CYB5D2: variants seen among roughly 807,000 people sequenced by gnomAD.
CYB5D2 encodes cytochrome b5 domain containing 2.
CYB5D2 carries 23 observed loss-of-function variants against 22.8 expected under a neutral mutation model. That is an observed-to-expected ratio of 1.01 (90% confidence interval 0.73 to 1.43). The LOEUF (loss-of-function observed/expected upper bound fraction) is 1.43, where lower values mean the gene tolerates loss of function less well. Among genes scored for constraint, CYB5D2 ranks in the 40% most tolerant of loss-of-function variants. CYB5D2 has a pLI of 0.00. For synonymous variants in CYB5D2, 170 were observed against 152.2 expected (o/e 1.12, Z -0.86); for missense variants, 373 against 357.2 (o/e 1.04, Z -0.36).
At chr17:4,144,326 C>T (rs547154433) in intron 1 of CYB5D2, among the ~76,000 whole-genome samples, 144 of 151,980 alleles carry the variant, frequency 9.5e-4, no homozygotes, top group African/African-American at 3.2e-3. Context: ...TGTGGGGGCT[C>T]TTAGGGCACA....
intron 1 of CYB5D2, among the ~76,000 whole-genome samples, 191 bp downstream of exon 1, chr17:4,144,196 G>A (rs896240023): frequency 1.3e-5 from 2 of 152,114 alleles, no homozygotes; most frequent in African/African-American, 4.8e-5. Flanking sequence ...GGGACTGTGG[G>A]CCAGCTCTGT....
Position 4,156,892 on chromosome 17 carries a change from G to T in CYB5D2, c.605G>T (p.Gly202Val), listed in dbSNP as rs750017850. Residue 202 changes from glycine (G) to valine (V), a missense_variant, in exon 4 of 4, where the codon GGC becomes GTC. Transcript: ENST00000301391. ...KSGGVSRDWIGVPRKLYKPGA... is the reference protein window; with the variant it reads ...KSGGVSRDWIVVPRKLYKPGA... The stretch of plus-strand genomic sequence containing the variant: ...GGAGGTGTGAGCAGAGACTGGATTG[G>T]CGTCCCCAGGAAGCTGTATAAGCCA... 1 of 1,612,686 alleles carries T rather than the reference G, an allele frequency of 6.2e-7. No homozygotes were observed. Among genetic ancestry groups the T allele is most frequent in the Admixed American group, 1.7e-5 (1 of 60,000 alleles).
At chr17:4,151,544 G>A (rs967680375) in intron 2 of CYB5D2, among the ~76,000 whole-genome samples, 4 of 151,566 alleles carry the variant, frequency 2.6e-5, no homozygotes, top group South Asian at 2.1e-4. Flanking sequence ...AAAATTAGCC[G>A]GGCATGATGG....
chr17:4,149,424 G>A (rs565603757), intron 1 of CYB5D2, among the ~76,000 whole-genome samples: 1 of 152,230 alleles, frequency 6.6e-6, no homozygotes, highest in Non-Finnish European at 1.5e-5. Flanking sequence ...TGTGTCCAAG[G>A]TCTAGGAGCA....
In CYB5D2 at chr17:4,149,928, T is replaced by A. The variant is rs1396970040; in HGVS notation, c.288T>A (p.Cys96Ter). The A allele has an allele frequency of 1.2e-6, 2 of 1,614,216 alleles. No individual in the cohort carries two copies. The highest frequency in any genetic ancestry group is 2.2e-5 in the South Asian group (2 of 91,082). ...CCAGAGCTTTCGTGACCGGGGACTG[T>A]TCTGAAGCAGGCCTCGTGGATGACG... is the stretch of plus-strand genomic sequence containing the variant. ...DASRAFVTGD[C>*]SEAGLVDDVS... Residue 96 changes from cysteine to a stop codon, truncating the protein, a stop_gained, in exon 2 of 4, where the codon TGT (cysteine) becomes TGA (stop). Coordinates refer to ENST00000301391, the MANE Select transcript of CYB5D2 (RefSeq NM_144611.4). LOFTEE classifies it high-confidence loss of function.
In CYB5D2 at chr17:4,144,156, C is replaced by G. The variant is rs2058946262; in HGVS notation, c.250+151C>G. On this transcript the variant is annotated intron_variant, in intron 1 of 3. Transcript: ENST00000301391. Reference sequence around the variant, plus strand: ...TGCGGTGGGCGGGACGAGCTGCATGCACTATCCTTCTAGGCTCTCTGGCTC... The same window carrying G: ...TGCGGTGGGCGGGACGAGCTGCATGGACTATCCTTCTAGGCTCTCTGGCTC... 4 of 1,117,584 alleles carry G rather than the reference C, an allele frequency of 3.6e-6. No individual in the cohort carries two copies. The African/African-American group carries it at 6.3e-5, about 17-fold the overall frequency. The allele number at this position is 1,117,584 out of a possible 1,614,324, so 69.2% of individuals were successfully genotyped here. A position where few individuals can be genotyped will look rare whatever the true frequency, so the allele number is the denominator to read the frequency against.
chr17:4,148,828 C>G (rs1388626714), intron 1 of CYB5D2, among the ~76,000 whole-genome samples: 1 of 149,914 alleles, frequency 6.7e-6, no homozygotes, highest in Non-Finnish European at 1.5e-5. Flanking sequence ...GTCTCATGCA[C>G]AAAAAAAAAG....
intron 1 of CYB5D2, among the ~76,000 whole-genome samples, chr17:4,145,763 C>T (rs1436157588): frequency 6.6e-6 from 1 of 152,184 alleles, no homozygotes; most frequent in Non-Finnish European, 1.5e-5. Context: ...ATGTAATTCA[C>T]GTGATGTAAA....
In CYB5D2 at chr17:4,143,650, A is replaced by AGCGAGAGC; in HGVS notation, c.-105_-104insCGAGAGCG. 6.8e-7 allele frequency: 1 copy of AGCGAGAGC among 1,474,176 alleles called. No homozygotes were observed. Among genetic ancestry groups the AGCGAGAGC allele is most frequent in the Non-Finnish European group, 9.1e-7 (1 of 1,099,482 alleles). The allele number at this position is 1,474,176 out of a possible 1,614,324, so 91.3% of individuals were successfully genotyped here. On this transcript the variant is annotated 5_prime_UTR_variant, in exon 1 of 4. Coordinates refer to ENST00000301391, the MANE Select transcript of CYB5D2 (RefSeq NM_144611.4). ...GCGCGAGCACTAGCGCGCGAGAGAGAGAGCGAGAGCGCGCGCGCCGATGAC... is the reference window on the plus strand; with the variant it reads ...GCGCGAGCACTAGCGCGCGAGAGAGAGCGAGAGCGAGCGAGAGCGCGCGCGCCGATGAC...
chr17:4,154,339 T>C (rs1351899839), intron 2 of CYB5D2, among the ~76,000 whole-genome samples: 1 of 152,192 alleles, frequency 6.6e-6, no homozygotes, highest in East Asian at 1.9e-4. Context: ...CAAACATTAA[T>C]TGAATACCCA....
chr17:4,150,332 C>T (rs1328237425), intron 2 of CYB5D2, among the ~76,000 whole-genome samples: 1 of 152,152 alleles, frequency 6.6e-6, no homozygotes, highest in Non-Finnish European at 1.5e-5. Flanking sequence ...GGCAGCTTCC[C>T]TGTCTCACTG....
At chr17:4,151,299 G>T (rs1255772219) in intron 2 of CYB5D2, among the ~76,000 whole-genome samples, 1 of 152,076 alleles carries the variant, frequency 6.6e-6, no homozygotes, top group Non-Finnish European at 1.5e-5. Context: ...ACTCACCTGC[G>T]CTTCAGAGGG....
chr17:4,149,833 G>A, intron 1 of CYB5D2, 58 bp from the exon 2 acceptor site: 1 of 1,559,220 alleles, frequency 6.4e-7, no homozygotes, highest in Non-Finnish European at 8.7e-7. Flanking sequence ...ACAGATTCTT[G>A]AGTGGGGATG....
At chr17:4,146,029 G>A (rs1218262861) in intron 1 of CYB5D2, among the ~76,000 whole-genome samples, 2 of 151,976 alleles carry the variant, frequency 1.3e-5, no homozygotes, top group Non-Finnish European at 2.9e-5. Flanking sequence ...GAACTCCTGA[G>A]CTCAAGTGAT....
intron 3 of CYB5D2, among the ~76,000 whole-genome samples, chr17:4,155,312 TGTCTTAAAAAC>T (rs2059102560): frequency 6.6e-6 from 1 of 152,078 alleles, no homozygotes; most frequent in African/African-American, 2.4e-5. Context: ...CTTCAACTGC[TGTCTTAAAAAC>T]AGGTGAGGCG....
chr17:4,145,336 T>C (rs1377230183), intron 1 of CYB5D2, among the ~76,000 whole-genome samples: 1 of 152,160 alleles, frequency 6.6e-6, no homozygotes, highest in Non-Finnish European at 1.5e-5. Flanking sequence ...TGAAGTCCAG[T>C]TGGTCTCGCA....
At chr17:4,156,843 G>A (rs1436422266) in intron 3 of CYB5D2, 23 bp from the exon 4 acceptor site, 1 of 1,611,754 alleles carries the variant, frequency 6.2e-7, no homozygotes, top group African/African-American at 1.3e-5. Flanking sequence ...CATTTAAGAA[G>A]TCCTCTTTCC....
intron 1 of CYB5D2, among the ~76,000 whole-genome samples, chr17:4,144,315 T>C (rs1266416920): frequency 1.4e-5 from 2 of 143,916 alleles, no homozygotes; most frequent in South Asian, 4.5e-4. Flanking sequence ...TGCCGGACTT[T>C]TGTGGGGGCT....
chr17:4,146,929 G>T (rs1489774006), intron 1 of CYB5D2, among the ~76,000 whole-genome samples: 2 of 152,086 alleles, frequency 1.3e-5, no homozygotes, highest in East Asian at 3.9e-4. Flanking sequence ...TGTTTTAAGG[G>T]TTCATCCATG....
Sources: gnomAD v4.1 joint callset for allele counts (sites outside exome capture counted in the v4.1 genomes callset) on GRCh38, gnomAD v4.1.1 for gene constraint, MANE v1.5 for transcripts, NCBI Gene and HGNC (gene_info 2026-07-23, HGNC 2026-07-21) for gene names.